The following CNGB1 variants were observed in gnomAD, a reference collection of about 807,000 sequenced individuals.
The protein encoded by CNGB1 is cyclic nucleotide-gated channel beta-1.
Under a neutral mutation model 151.7 loss-of-function variants are expected in CNGB1, and 126 were observed. That is an observed-to-expected ratio of 0.83 (90% CI 0.72 to 0.96). The LOEUF (loss-of-function observed/expected upper bound fraction) is 0.96. Among genes scored for constraint, CNGB1 ranks in the 40% least tolerant of loss-of-function variants. The pLI is 0.00. For synonymous variants in CNGB1, 623 were observed against 635.1 expected, an observed-to-expected ratio of 0.98 and a Z score of 0.29; for missense variants, 1,698 against 1,627.0, an observed-to-expected ratio of 1.04 and a Z score of -0.75.
chr16:57,934,882 G>A (rs1961462273), intron 16 of CNGB1, among the ~76,000 whole-genome samples: 4 of 151,942 alleles, frequency 2.6e-5, no homozygotes, highest in South Asian at 2.1e-4. Context: ...GCGTGAACCC[G>A]GGAGGCGGAG....
chr16:57,950,506 G>C lies in CNGB1; in HGVS notation c.909C>G (p.Asp303Glu). ...SILPGGQVEP[D>E]LVLEEVEPPW... ...GCGGTTCAACCTCCTCTAGGACAAG[G>C]TCAGGCTCCACTTGTCCTCCAGGAA... The change falls in exon 13 of 33, where the codon GAC becomes GAG. Residue 303 changes from aspartate to glutamate, a missense_variant. Asp to Glu is a conservative substitution (Grantham distance 45). Coordinates refer to ENST00000251102, the MANE Select transcript of CNGB1 (RefSeq NM_001297.5). The C allele has an allele frequency of 6.2e-7, 1 of 1,614,152 alleles. No homozygotes were observed. The highest frequency in any genetic ancestry group is 8.5e-7 in the Non-Finnish European group (1 of 1,180,032).
chr16:57,918,393 G>A (rs1016367712), intron 20 of CNGB1, among the ~76,000 whole-genome samples: 2 of 152,194 alleles, frequency 1.3e-5, no homozygotes, highest in Non-Finnish European at 2.9e-5. Context: ...ACAGGAAAAG[G>A]TCAGATAAGA....
At chr16:57,899,350 A>T (rs1046348887) in intron 29 of CNGB1, among the ~76,000 whole-genome samples, 6 of 152,092 alleles carry the variant, frequency 3.9e-5, no homozygotes, top group Non-Finnish European at 8.8e-5. Context: ...AATAATAATT[A>T]AAAAGGGGGC....
chr16:57,894,758 C>A (rs1412640130), intron 31 of CNGB1, among the ~76,000 whole-genome samples: 1 of 152,134 alleles, frequency 6.6e-6, no homozygotes, highest in Non-Finnish European at 1.5e-5. Flanking sequence ...TTTCTGAGTG[C>A]CCCATTTTGC....
rs1334432815 is a variant in CNGB1 at position 57,949,353 on chromosome 16, T to C, written c.1121A>G (p.Glu374Gly). The change falls in exon 14 of 33, where the codon GAG (glutamate) becomes GGG (glycine). Residue 374 changes from glutamate to glycine, a missense_variant and splice_region_variant. Transcript: ENST00000251102. ...CCAGACAGGTGAGCAAATGACTTAC[T>C]CAGTCACCTCCTCCTCTTCCTCCTC... ...EEEEEEEEVT[E>G]VLLDSCVVSQ... 3.1e-6 allele frequency: 5 copies of C among 1,610,020 alleles called. No individual in the cohort carries two copies. The East Asian group carries it at 6.7e-5, about 22-fold the overall frequency.
At chr16:57,947,164 G>A (rs1448269242) in intron 14 of CNGB1, among the ~76,000 whole-genome samples, 2 of 152,176 alleles carry the variant, frequency 1.3e-5, no homozygotes, top group East Asian at 3.8e-4. Context: ...GTGCAGATAT[G>A]TGTGTGTGTG....
intron 14 of CNGB1, among the ~76,000 whole-genome samples, chr16:57,947,769 T>C (rs1421761437): frequency 6.6e-6 from 1 of 152,198 alleles, no homozygotes; most frequent in Non-Finnish European, 1.5e-5. Context: ...AAGAGGCCAC[T>C]GGGGGACGAG....
rs770568162 is a variant in CNGB1 at position 57,964,133 on chromosome 16, T to C, written c.287A>G (p.Asn96Ser). The C allele has an allele frequency of 1.2e-6, 2 of 1,614,068 alleles. No homozygotes were observed. The highest frequency in any genetic ancestry group is 1.7e-5 in the Admixed American group (1 of 60,028). The change falls in exon 4 of 33, where the codon AAT becomes AGT. Residue 96 changes from asparagine to serine, a missense_variant. Transcript: ENST00000251102. The stretch of plus-strand genomic sequence containing the variant: ...AGAGGGGAGGGTGGTGCAGTACCTA[T>C]TCATTTCAGAAATCTCAGCGCCCTG... ...RAQGAEISEM[N>S]SPSRRVLTWL...
intron 20 of CNGB1, 54 bp from the exon 21 acceptor site, chr16:57,917,530 C>T (rs1283763164): frequency 5.1e-6 from 8 of 1,567,466 alleles, no homozygotes; most frequent in Non-Finnish European, 7.0e-6. Flanking sequence ...AGGCTCTTCA[C>T]CAGTTGGATC....
intron 2 of CNGB1, 31 bp downstream of exon 2, chr16:57,967,097 G>A (rs909365385): frequency 2.1e-5 from 34 of 1,613,806 alleles, no homozygotes; most frequent in African/African-American, 2.7e-5. Flanking sequence ...CAGCGAGGCC[G>A]GCCTGCCCCT....
At chr16:57,897,100 T>C (rs1341388381) in intron 31 of CNGB1, among the ~76,000 whole-genome samples, 5 of 152,062 alleles carry the variant, frequency 3.3e-5, no homozygotes, top group African/African-American at 9.7e-5. Context: ...AGGAGTTTGA[T>C]ACCAGCCTAG....
chr16:57,888,493 G>C (rs923383297), intron 31 of CNGB1, among the ~76,000 whole-genome samples: 1 of 151,628 alleles, frequency 6.6e-6, no homozygotes, highest in Non-Finnish European at 1.5e-5. Context: ...CTTTCTCACA[G>C]GGTCTGGCTC....
chr16:57,915,081 G>T (rs1473287338), intron 23 of CNGB1, among the ~76,000 whole-genome samples, 168 bp downstream of exon 23: 2 of 152,166 alleles, frequency 1.3e-5, no homozygotes, highest in African/African-American at 4.8e-5. Flanking sequence ...CTAGCAAATT[G>T]TAATGAACTT....
chr16:57,934,874 G>A (rs1045909953), intron 16 of CNGB1, among the ~76,000 whole-genome samples: 51 of 151,538 alleles, frequency 3.4e-4, no homozygotes, highest in African/African-American at 9.7e-4. Context: ...GGTGAATGGC[G>A]TGAACCCGGG....
intron 14 of CNGB1, among the ~76,000 whole-genome samples, chr16:57,948,866 G>A (rs1306624960): frequency 3.3e-5 from 5 of 152,162 alleles, no homozygotes; most frequent in East Asian, 1.9e-4. Flanking sequence ...GTGGGTGGAC[G>A]ATCGACCATT....
At chr16:57,892,476 T>C (rs1407480009) in intron 31 of CNGB1, among the ~76,000 whole-genome samples, 2 of 151,802 alleles carry the variant, frequency 1.3e-5, no homozygotes, top group Non-Finnish European at 2.9e-5. Context: ...GTAAGGTGAG[T>C]TTGGGGGCAG....
intron 3 of CNGB1, 35 bp downstream of exon 3, chr16:57,964,445 CCCCCCTG>C (rs773808352): frequency 4.4e-6 from 7 of 1,608,810 alleles, no homozygotes; most frequent in Non-Finnish European, 5.1e-6. Context: ...AGAATGCGGG[CCCCCCTG>C]CCATGCCAGC....
intron 16 of CNGB1, among the ~76,000 whole-genome samples, chr16:57,934,064 G>A (rs1961438881): frequency 6.6e-6 from 1 of 152,080 alleles, no homozygotes; most frequent in Admixed American, 6.6e-5. Flanking sequence ...AGAAAAGCCG[G>A]CACTCTGTTA....
At chr16:57,913,373 C>G (rs773854098) in intron 23 of CNGB1, among the ~76,000 whole-genome samples, 4 of 152,128 alleles carry the variant, frequency 2.6e-5, no homozygotes, top group Admixed American at 6.6e-5. Context: ...GACAGCATCC[C>G]TAACACCCCA....
Sources: allele counts gnomAD v4.1 joint callset (sites outside exome capture counted in the v4.1 genomes callset), GRCh38; gene constraint gnomAD v4.1.1; transcripts MANE v1.5; gene names NCBI Gene and HGNC (gene_info 2026-07-23, HGNC 2026-07-21).